Variants in AGBL4 observed in about 807,000 individuals in gnomAD.
AGBL4 encodes the protein AGBL carboxypeptidase 4, also known as cytosolic carboxypeptidase 6.
In AGBL4, 58 loss-of-function variants were observed where a neutral mutation model predicts 66.4. The observed-to-expected ratio is 0.87, with a 90% CI of 0.71 to 1.09. The LOEUF is 1.09. Ranked by LOEUF, AGBL4 falls within the 50% of genes least tolerant of loss-of-function variation. AGBL4 has a pLI of 0.00. For synonymous variants in AGBL4, 234 were observed against 222.9 expected (o/e 1.05, Z -0.44); for missense variants, 579 against 631.0 (o/e 0.92, Z 0.88).
At chr1:48,727,789 C>A in intron 6 of AGBL4, 1 of 1,213,778 alleles carries the variant, frequency 8.2e-7, no homozygotes. Flanking sequence ...TGCACACACA[C>A]CACCATGCAC....
rs541910883 is a variant in AGBL4, at chr1:48,938,750, G to A, written c.595-71520C>T. On this transcript the variant is annotated intron_variant, in intron 5 of 13. Coordinates refer to ENST00000371839, the MANE Select transcript of AGBL4 (RefSeq NM_032785.4). ...CTTCTCCCAGTTCTCTATTTGGAAC[G>A]CCAAACTCCAAGTATCACATTTCAA... is the stretch of plus-strand genomic sequence containing the variant. 2.0e-3 allele frequency among the ~76,000 whole-genome samples: 301 copies of A among 152,216 alleles called. 1 individual carries two copies. Among genetic ancestry groups the A allele is most frequent in the African/African-American group, 7.0e-3 (292 of 41,520 alleles).
intron 3 of AGBL4, among the ~76,000 whole-genome samples, chr1:49,549,885 C>T (rs1652815676): frequency 1.3e-5 from 2 of 152,016 alleles, no homozygotes; most frequent in South Asian, 2.1e-4. Context: ...GGAGTATTGA[C>T]GTCCCCAACT....
At chr1:49,590,851 T>G (rs1196829797) in intron 3 of AGBL4, among the ~76,000 whole-genome samples, 1 of 152,064 alleles carries the variant, frequency 6.6e-6, no homozygotes, top group Non-Finnish European at 1.5e-5. Context: ...AAATTAGCTA[T>G]GAGTACAGAA....
At chr1:49,587,337 G>T (rs1198708235) in intron 3 of AGBL4, among the ~76,000 whole-genome samples, 1 of 151,992 alleles carries the variant, frequency 6.6e-6, no homozygotes, top group African/African-American at 2.4e-5. Flanking sequence ...AAAAAGAAAA[G>T]AAAAGAAATA....
At chr1:49,492,511 A>G (rs1488287189) in intron 3 of AGBL4, among the ~76,000 whole-genome samples, 1 of 152,020 alleles carries the variant, frequency 6.6e-6, no homozygotes, top group Non-Finnish European at 1.5e-5. Context: ...CTTTCTAATC[A>G]AAACAGTTCC....
intron 1 of AGBL4, among the ~76,000 whole-genome samples, chr1:49,875,833 T>C (rs1646986360): frequency 6.9e-6 from 1 of 144,472 alleles, no homozygotes; most frequent in Non-Finnish European, 1.5e-5. Flanking sequence ...TTCCTGACTT[T>C]TTAATGATTG....
intron 3 of AGBL4, among the ~76,000 whole-genome samples, chr1:49,249,829 T>C (rs1027684310): frequency 3.3e-5 from 5 of 152,158 alleles, no homozygotes; most frequent in Admixed American, 6.5e-5. Flanking sequence ...TAAGTGTGGA[T>C]CAATGGATGA....
intron 6 of AGBL4, among the ~76,000 whole-genome samples, chr1:48,689,477 C>T (rs1446645552): frequency 7.0e-6 from 1 of 142,240 alleles, no homozygotes; most frequent in Non-Finnish European, 1.5e-5. Flanking sequence ...TCCTTCTTTC[C>T]TCCCTTCCTC....
At chr1:48,578,626 G>C (rs1569862864) in intron 11 of AGBL4, among the ~76,000 whole-genome samples, 1 of 152,128 alleles carries the variant, frequency 6.6e-6, no homozygotes, top group Non-Finnish European at 1.5e-5. Flanking sequence ...AAATATCTAG[G>C]CAGTACCCAT....
At chr1:49,413,624 C>T (rs1015313240) in intron 3 of AGBL4, among the ~76,000 whole-genome samples, 1 of 152,150 alleles carries the variant, frequency 6.6e-6, no homozygotes, top group Non-Finnish European at 1.5e-5. Flanking sequence ...TGCAAAAGAA[C>T]CTGACAGTCT....
chr1:49,589,230 C>T (rs142516896), intron 3 of AGBL4, among the ~76,000 whole-genome samples: 1 of 151,912 alleles, frequency 6.6e-6, no homozygotes, highest in East Asian at 1.9e-4. Context: ...GATGTGAGAC[C>T]AACTAATTTT....
chr1:48,725,882 C>T (rs1647239881), intron 6 of AGBL4, among the ~76,000 whole-genome samples: 1 of 152,182 alleles, frequency 6.6e-6, no homozygotes, highest in Admixed American at 6.5e-5. Context: ...AGCATGATTC[C>T]TTGTTGCATC....
intron 1 of AGBL4, among the ~76,000 whole-genome samples, chr1:50,008,975 C>G (rs1378024122): frequency 6.6e-6 from 1 of 152,074 alleles, no homozygotes; most frequent in East Asian, 1.9e-4. Context: ...CCAAAACAGA[C>G]CAATAACAAG....
At chr1:48,932,358 G>T (rs1655104458) in intron 5 of AGBL4, among the ~76,000 whole-genome samples, 1 of 152,218 alleles carries the variant, frequency 6.6e-6, no homozygotes, top group African/African-American at 2.4e-5. Context: ...GTGTAAAAGG[G>T]TCATGAAATT....
At chr1:49,464,132 T>C (rs1249100860) in intron 3 of AGBL4, among the ~76,000 whole-genome samples, 3 of 151,656 alleles carry the variant, frequency 2.0e-5, no homozygotes, top group Admixed American at 1.3e-4. Flanking sequence ...AGGGAAACTG[T>C]GGAACTCTGC....
chr1:49,004,306 A>C (rs1342802998), intron 5 of AGBL4, among the ~76,000 whole-genome samples: 6 of 152,068 alleles, frequency 3.9e-5, no homozygotes, highest in African/African-American at 1.5e-4. Flanking sequence ...GTCAGGAAAC[A>C]GATCATCAAG....
intron 3 of AGBL4, among the ~76,000 whole-genome samples, chr1:49,656,855 C>T (rs919110670): frequency 6.6e-5 from 10 of 152,130 alleles, no homozygotes; most frequent in African/African-American, 2.4e-4. Flanking sequence ...TGGGACATAT[C>T]TCAAAATAAT....
intron 11 of AGBL4, among the ~76,000 whole-genome samples, chr1:48,578,596 GAAGGCTCTCTGGC>G (rs1270686280): frequency 6.6e-6 from 1 of 152,124 alleles, no homozygotes; most frequent in African/African-American, 2.4e-5. Context: ...AAAATTTAGT[GAAGGCTCTCTGGC>G]AAGAACAAAT....
intron 3 of AGBL4, among the ~76,000 whole-genome samples, chr1:49,480,419 G>C (rs150400792): frequency 2.0e-5 from 3 of 151,536 alleles, no homozygotes; most frequent in African/African-American, 7.3e-5. Flanking sequence ...AGGTTTGTTG[G>C]CCACTTGCAT....
Sources: gnomAD v4.1 joint callset for allele counts (sites outside exome capture counted in the v4.1 genomes callset) on GRCh38, gnomAD v4.1.1 for gene constraint, MANE v1.5 for transcripts, NCBI Gene and HGNC (gene_info 2026-07-23, HGNC 2026-07-21) for gene names.